GRIA4: variants seen among roughly 807,000 people sequenced by gnomAD.
The protein encoded by GRIA4 is glutamate ionotropic receptor AMPA type subunit 4, also known as glutamate receptor 4.
In GRIA4, 34 loss-of-function variants were observed where a neutral mutation model predicts 104.0. The observed-to-expected ratio is 0.33, with a 90% CI of 0.25 to 0.44. GRIA4 has a LOEUF of 0.44. Ranked by LOEUF, GRIA4 falls within the 20% of genes least tolerant of loss-of-function variation. The pLI is 1.00. For missense variants in GRIA4, 750 were observed against 1,096.5 expected (o/e 0.68, Z 4.46); for synonymous variants, 386 against 381.9 (o/e 1.01, Z -0.13).
chr11:105,894,604 A>G (rs1318072697), intron 6 of GRIA4, among the ~76,000 whole-genome samples: 1 of 151,960 alleles, frequency 6.6e-6, no homozygotes, highest in African/African-American at 2.4e-5. Flanking sequence ...CAATGCACAT[A>G]TGTTGGTTAG....
chr11:105,936,930 C>A (rs897330349), intron 14 of GRIA4, among the ~76,000 whole-genome samples: 5 of 152,156 alleles, frequency 3.3e-5, no homozygotes, highest in Non-Finnish European at 5.9e-5. Flanking sequence ...ACTGATCTAT[C>A]ACTTACTAAT....
chr11:105,839,941 A>G (rs762052635), intron 4 of GRIA4, among the ~76,000 whole-genome samples: 14 of 152,122 alleles, frequency 9.2e-5, no homozygotes, highest in South Asian at 2.1e-4. Flanking sequence ...AATTTTATTT[A>G]TAGGTAAAGG....
intron 14 of GRIA4, among the ~76,000 whole-genome samples, chr11:105,944,725 C>G (rs188068282): frequency 1.3e-5 from 2 of 152,180 alleles, no homozygotes; most frequent in East Asian, 3.9e-4. Flanking sequence ...GGTTAAATAG[C>G]TGATGAGTGA....
At chr11:105,828,413 C>T (rs374924056) in intron 4 of GRIA4, among the ~76,000 whole-genome samples, 205 of 151,966 alleles carry the variant, frequency 1.3e-3, no homozygotes, top group African/African-American at 4.6e-3. Flanking sequence ...CCATCACTAC[C>T]CCTGTATGTG....
At chr11:105,866,429 TTGTG>T (rs1049311928) in intron 5 of GRIA4, among the ~76,000 whole-genome samples, 1 of 150,656 alleles carries the variant, frequency 6.6e-6, no homozygotes, top group Non-Finnish European at 1.5e-5. Context: ...CCCCACTGTG[TTGTG>T]TGTGTGTGTT....
intron 11 of GRIA4, among the ~76,000 whole-genome samples, chr11:105,922,319 C>T (rs1214812299): frequency 6.6e-6 from 1 of 152,128 alleles, no homozygotes; most frequent in Non-Finnish European, 1.5e-5. Flanking sequence ...TAAAGCTGAA[C>T]ATGCCTTTGC....
chr11:105,966,126 G>T, intron 14 of GRIA4: 1 of 1,164,122 alleles, frequency 8.6e-7, no homozygotes, highest in East Asian at 2.4e-5. Context: ...TCTGCTGGGA[G>T]ACTTATGGTT....
At chr11:105,640,138 T>A (rs1321211649) in intron 3 of GRIA4, among the ~76,000 whole-genome samples, 1 of 151,916 alleles carries the variant, frequency 6.6e-6, no homozygotes, top group Non-Finnish European at 1.5e-5. Context: ...TGACAAATGA[T>A]CTGATGCAGA....
Position 105,642,514 on chromosome 11 carries a change from T to A in GRIA4, c.247+30080T>A, listed in dbSNP as rs9667155. 2.2e-5 allele frequency among the ~76,000 whole-genome samples: 3 copies of A among 136,466 alleles called. No individual in the cohort carries two copies. In the Admixed American group the frequency reaches 2.3e-4, roughly 11 times the overall value. The allele number at this position is 136,466 out of a possible 152,430, so 89.5% of individuals were successfully genotyped here. A position where few individuals can be genotyped will look rare whatever the true frequency, so the allele number is the denominator to read the frequency against. ...AAAAGTATTTCTTAACTAGGCTATATAATCAACATTCTCAATTTTAATGAA... is the reference window on the plus strand; with the variant it reads ...AAAAGTATTTCTTAACTAGGCTATAAAATCAACATTCTCAATTTTAATGAA... On this transcript the variant is annotated intron_variant, in intron 3 of 16. Transcript: ENST00000282499.
chr11:105,636,199 T>C (rs973127024), intron 3 of GRIA4, among the ~76,000 whole-genome samples: 1 of 152,220 alleles, frequency 6.6e-6, no homozygotes, highest in Non-Finnish European at 1.5e-5. Context: ...TTTTTCAAAT[T>C]GGATGTCTAA....
chr11:105,966,168 C>T, intron 14 of GRIA4: 1 of 731,080 alleles, frequency 1.4e-6, no homozygotes, highest in Non-Finnish European at 2.3e-6. Context: ...AATTGCTAGT[C>T]CAGTCCCTTC....
At chr11:105,844,311 C>A (rs563441177) in intron 4 of GRIA4, among the ~76,000 whole-genome samples, 1 of 152,286 alleles carries the variant, frequency 6.6e-6, no homozygotes, top group African/African-American at 2.4e-5. Flanking sequence ...ATTCTGTGGA[C>A]AAATAGTCCA....
chr11:105,659,501 A>T (rs936159197), intron 3 of GRIA4, among the ~76,000 whole-genome samples: 1 of 151,956 alleles, frequency 6.6e-6, no homozygotes, highest in Non-Finnish European at 1.5e-5. Flanking sequence ...TTTATCAAGG[A>T]TGGCAAAGAA....
At chr11:105,961,960 A>G (rs139869228) in intron 14 of GRIA4, among the ~76,000 whole-genome samples, 1 of 152,338 alleles carries the variant, frequency 6.6e-6, no homozygotes, top group African/African-American at 2.4e-5. Flanking sequence ...TTGTTCTACA[A>G]ACTACATATG....
chr11:105,841,102 G>GCA (rs1944375489), intron 4 of GRIA4, among the ~76,000 whole-genome samples: 1 of 151,922 alleles, frequency 6.6e-6, no homozygotes, highest in South Asian at 2.1e-4. Flanking sequence ...CAGATGATTA[G>GCA]CACTTCTCTA....
chr11:105,975,669 G>T (rs1448334444), intron 16 of GRIA4, among the ~76,000 whole-genome samples: 1 of 152,044 alleles, frequency 6.6e-6, no homozygotes, highest in Non-Finnish European at 1.5e-5. Context: ...ACTTCCAAGA[G>T]ATATTTGGTA....
At chr11:105,882,243 G>A (rs1946093249) in intron 5 of GRIA4, among the ~76,000 whole-genome samples, 1 of 152,074 alleles carries the variant, frequency 6.6e-6, no homozygotes, top group African/African-American at 2.4e-5. Flanking sequence ...ACGGAGAGAG[G>A]AATTTCCAGT....
intron 3 of GRIA4, among the ~76,000 whole-genome samples, chr11:105,701,993 G>C (rs535693983): frequency 6.6e-6 from 1 of 152,022 alleles, no homozygotes; most frequent in Non-Finnish European, 1.5e-5. Flanking sequence ...GGAGTGCAGC[G>C]TTGCAATCAT....
chr11:105,949,152 A>G (rs1429879168), intron 14 of GRIA4, among the ~76,000 whole-genome samples: 1 of 152,178 alleles, frequency 6.6e-6, no homozygotes, highest in African/African-American at 2.4e-5. Flanking sequence ...TTGTTTATAC[A>G]GTGGATCAAA....
Sources: gnomAD v4.1 joint callset for allele counts (sites outside exome capture counted in the v4.1 genomes callset) on GRCh38, gnomAD v4.1.1 for gene constraint, MANE v1.5 for transcripts, NCBI Gene and HGNC (gene_info 2026-07-23, HGNC 2026-07-21) for gene names.